The following RAPGEF6 variants were observed in gnomAD, a reference collection of about 807,000 sequenced individuals.
The protein encoded by RAPGEF6 is PDZ domain containing guanine nucleotide exchange factor (GEF) 2.
A neutral mutation model predicts 171.4 loss-of-function variants in RAPGEF6; 56 were observed. That is an observed-to-expected ratio of 0.33 (90% CI 0.26 to 0.41). The LOEUF (loss-of-function observed/expected upper bound fraction) is 0.41, where lower values mean the gene tolerates loss of function less well. Among genes scored for constraint, RAPGEF6 ranks in the 10% least tolerant of loss-of-function variants. RAPGEF6 has a pLI of 1.00. For missense variants in RAPGEF6, 1,674 were observed against 1,921.4 expected (o/e 0.87, Z 2.41); for synonymous variants, 692 against 650.1 (o/e 1.06, Z -0.98).
intron 1 of RAPGEF6, among the ~76,000 whole-genome samples, chr5:131,617,478 G>A: frequency 6.6e-6 from 1 of 152,190 alleles, no homozygotes; most frequent in Non-Finnish European, 1.5e-5. Flanking sequence ...TTGAGACAGA[G>A]TTTCACTCTT....
chr5:131,445,493 C>CTGTGTGTGTGTGTGTG (rs11269268), intron 22 of RAPGEF6, among the ~76,000 whole-genome samples: 6,622 of 147,210 alleles, frequency 0.045, 241 homozygotes, highest in Middle Eastern at 0.098. Flanking sequence ...AACTCACTCT[C>CTGTGTGTGTGTGTGTG]TGTGTGTGTG....
At chr5:131,428,350 C>T (rs1425784107) in intron 27 of RAPGEF6, among the ~76,000 whole-genome samples, 4 of 152,114 alleles carry the variant, frequency 2.6e-5, no homozygotes, top group Admixed American at 1.3e-4. Flanking sequence ...GAGTCTGAGG[C>T]TGTAGTGAGT....
At chr5:131,535,100 A>T (rs1159801232) in intron 6 of RAPGEF6, among the ~76,000 whole-genome samples, 4 of 152,146 alleles carry the variant, frequency 2.6e-5, no homozygotes, top group Non-Finnish European at 5.9e-5. Context: ...TAAAGGAACA[A>T]AATTCTCTTT....
rs1179887415 is a variant in RAPGEF6 at position 131,504,618 on chromosome 5, A to G, written c.1254+8T>C. On this transcript the variant is annotated splice_region_variant and intron_variant, in intron 11 of 27. Coordinates refer to ENST00000509018, the MANE Select transcript of RAPGEF6 (RefSeq NM_016340.6). The stretch of plus-strand genomic sequence containing the variant: ...TCAGTGACTAGAAAAATAAGTAAAA[A>G]CACCCACCTTGATCACAATGTGTCC... 6.4e-7 allele frequency: 1 copy of G among 1,564,158 alleles called. No homozygotes were observed. Among genetic ancestry groups the G allele is most frequent in the Non-Finnish European group, 8.6e-7 (1 of 1,161,424 alleles).
rs1375879495 is a variant in RAPGEF6 at position 131,425,749 on chromosome 5, C to G, written c.*1517G>C. 1.3e-5 allele frequency: 2 copies of G among 152,126 alleles called. No individual in the cohort carries two copies. The highest frequency in any genetic ancestry group is 3.8e-4 in the East Asian group (2 of 5,328). 9.4% of individuals were successfully genotyped at this position (152,126 alleles called of 1,614,324 possible). The stretch of plus-strand genomic sequence containing the variant: ...GCAGGAAGACAGACAGCAGAGACAG[C>G]TAGGGAAAGACAACACATTTCTATA... On this transcript the variant is annotated 3_prime_UTR_variant, in exon 28 of 28. Coordinates refer to ENST00000509018, the MANE Select transcript of RAPGEF6 (RefSeq NM_016340.6).
chr5:131,501,237 G>C (rs745662388), intron 11 of RAPGEF6, among the ~76,000 whole-genome samples: 8 of 151,966 alleles, frequency 5.3e-5, no homozygotes, highest in Non-Finnish European at 1.2e-4. Context: ...CTAGGAGGCT[G>C]AGGCACAAGA....
At chr5:131,534,338 C>T (rs1759609009) in intron 6 of RAPGEF6, among the ~76,000 whole-genome samples, 1 of 152,056 alleles carries the variant, frequency 6.6e-6, no homozygotes, top group Admixed American at 6.6e-5. Context: ...ATCTGAATTA[C>T]ACTGCTACTT....
At chr5:131,446,741 G>C (rs753948944) in intron 21 of RAPGEF6, 38 bp from the exon 22 acceptor site, 5 of 1,544,330 alleles carry the variant, frequency 3.2e-6, no homozygotes, top group Non-Finnish European at 4.5e-6. Context: ...GGGCTATAGA[G>C]ATGAGAACTA....
intron 6 of RAPGEF6, among the ~76,000 whole-genome samples, chr5:131,529,473 C>A (rs1268200701): frequency 4.2e-4 from 60 of 142,600 alleles, no homozygotes; most frequent in Admixed American, 6.9e-4. Context: ...GAGACTCTGT[C>A]AAAAAAAAAA....
chr5:131,619,837 T>C (rs1159142598), intron 1 of RAPGEF6, among the ~76,000 whole-genome samples: 2 of 152,236 alleles, frequency 1.3e-5, no homozygotes, highest in Non-Finnish European at 1.5e-5. Flanking sequence ...GCACAGACTA[T>C]GAAATCAGAC....
At chr5:131,594,112 G>A (rs950880543) in intron 3 of RAPGEF6, among the ~76,000 whole-genome samples, 1 of 152,224 alleles carries the variant, frequency 6.6e-6, no homozygotes, top group Non-Finnish European at 1.5e-5. Context: ...TGATTCATGG[G>A]CTGGGCCCAG....
At chr5:131,599,309 AGAGT>A (rs1764087237) in intron 3 of RAPGEF6, among the ~76,000 whole-genome samples, 1 of 152,178 alleles carries the variant, frequency 6.6e-6, no homozygotes, top group Non-Finnish European at 1.5e-5. Flanking sequence ...CCTGGGTGAC[AGAGT>A]GAGACTCTGT....
intron 15 of RAPGEF6, among the ~76,000 whole-genome samples, chr5:131,482,184 C>T (rs1755532382): frequency 1.3e-5 from 2 of 152,148 alleles, no homozygotes; most frequent in Admixed American, 1.3e-4. Context: ...TTAGAAGTTA[C>T]CTTCCATAAA....
In RAPGEF6 at chr5:131,635,151, G is replaced by T; in HGVS notation, c.-121C>A. The T allele has an allele frequency of 9.5e-7, 1 of 1,047,382 alleles. No homozygotes were observed. The highest frequency in any genetic ancestry group is 1.3e-6 in the Non-Finnish European group (1 of 744,512). The allele number at this position is 1,047,382 out of a possible 1,614,324, so 64.9% of individuals were successfully genotyped here. A position where few individuals can be genotyped will look rare whatever the true frequency, so the allele number is the denominator to read the frequency against. On this transcript the variant is annotated 5_prime_UTR_variant, in exon 1 of 28. Coordinates refer to ENST00000509018, the MANE Select transcript of RAPGEF6 (RefSeq NM_016340.6). ...AGGAGGGAACTTCGCGCCGTAACAA[G>T]GTCCGAACTCTAGCAAACAACCCTT...
chr5:131,500,776 T>C (rs561197061), intron 11 of RAPGEF6, among the ~76,000 whole-genome samples: 41 of 152,240 alleles, frequency 2.7e-4, no homozygotes, highest in African/African-American at 9.9e-4. Context: ...GCCTTGTCTT[T>C]CTCAAAAGAC....
chr5:131,586,244 A>T (rs889344982), intron 4 of RAPGEF6, among the ~76,000 whole-genome samples: 2 of 152,244 alleles, frequency 1.3e-5, no homozygotes, highest in Admixed American at 1.3e-4. Context: ...TTTCCAACAA[A>T]AATAACCAAG....
chr5:131,497,089 C>T (rs764039575), intron 12 of RAPGEF6, among the ~76,000 whole-genome samples: 2 of 152,222 alleles, frequency 1.3e-5, no homozygotes, highest in East Asian at 1.9e-4. Context: ...AAAGTGGTAT[C>T]TCATTGAGGT....
At chr5:131,536,046 TATAATC>T (rs1400748697) in intron 6 of RAPGEF6, among the ~76,000 whole-genome samples, 6 of 152,178 alleles carry the variant, frequency 3.9e-5, no homozygotes, top group African/African-American at 2.4e-5. Flanking sequence ...AATGAAATAT[TATAATC>T]ATAATTTAGA....
intron 4 of RAPGEF6, among the ~76,000 whole-genome samples, chr5:131,579,075 C>T (rs149341087): frequency 0.019 from 2,939 of 152,160 alleles, 47 homozygotes; most frequent in Middle Eastern, 0.078. Context: ...TTTCTTCTGG[C>T]GGGTTCGTGG....
Sources: allele counts gnomAD v4.1 joint callset (sites outside exome capture counted in the v4.1 genomes callset), GRCh38; gene constraint gnomAD v4.1.1; transcripts MANE v1.5; gene names NCBI Gene and HGNC (gene_info 2026-07-23, HGNC 2026-07-21).